Variants in METTL8 observed in about 807,000 individuals in gnomAD.
METTL8 encodes the protein methyltransferase 8, tRNA N3-cytidine.
A neutral mutation model predicts 48.7 loss-of-function variants in METTL8; 32 were observed. That is an observed-to-expected ratio of 0.66 (90% CI 0.50 to 0.88). The LOEUF (loss-of-function observed/expected upper bound fraction) is 0.88, where lower values mean the gene tolerates loss of function less well. Among genes scored for constraint, METTL8 ranks in the 40% least tolerant of loss-of-function variants. The probability of loss-of-function intolerance (pLI) is 0.00; values close to 1 mark genes in which losing one functional copy is unlikely to be tolerated. For missense variants in METTL8, 464 were observed against 474.4 expected, an observed-to-expected ratio of 0.98 and a Z score of 0.20; for synonymous variants, 136 against 157.1, an observed-to-expected ratio of 0.87 and a Z score of 1.01.
At chr2:171,358,312 T>C (rs1041439307) in intron 3 of METTL8, among the ~76,000 whole-genome samples, 16 of 150,296 alleles carry the variant, frequency 1.1e-4, no homozygotes, top group Non-Finnish European at 1.9e-4. Flanking sequence ...GATCCTGCCA[T>C]TGCACTCCAG....
At chr2:171,337,529 CA>C in intron 4 of METTL8, 27 bp from the exon 5 acceptor site, 8 of 1,572,732 alleles carry the variant, frequency 5.1e-6, no homozygotes, top group Middle Eastern at 1.7e-4. Context: ...AAGCAAATAT[CA>C]AAAAAAGCAA....
intron 2 of METTL8, among the ~76,000 whole-genome samples, chr2:171,366,472 T>C (rs1685728972): frequency 6.6e-6 from 1 of 152,182 alleles, no homozygotes; most frequent in Non-Finnish European, 1.5e-5. Context: ...ATATTATCCA[T>C]AATGTCCACC....
At chr2:171,389,496 C>G (rs1688382574) in intron 2 of METTL8, among the ~76,000 whole-genome samples, 1 of 109,334 alleles carries the variant, frequency 9.1e-6, no homozygotes, top group African/African-American at 3.7e-5. Flanking sequence ...GCTTGGGTGA[C>G]AGAGTCTCCC....
chr2:171,360,437 G>T lies in METTL8; in HGVS notation c.220C>A (p.Leu74Ile), dbSNP rs779998518. ...KVKENSAVRV[L>I]LEEQVKYERE... ...AGTTGACTACCTTGCTCTTCCAGAA[G>T]GACTCGCACAGCTGAGTTTTCTTTT... is the stretch of plus-strand genomic sequence containing the variant. The change falls in exon 3 of 10, where the codon CTT becomes ATT. Residue 74 changes from leucine to isoleucine, a missense_variant. Coordinates refer to ENST00000375258, the MANE Select transcript of METTL8 (RefSeq NM_001321154.2). 6.2e-7 allele frequency: 1 copy of T among 1,613,736 alleles called. No individual in the cohort carries two copies. The highest frequency in any genetic ancestry group is 8.5e-7 in the Non-Finnish European group (1 of 1,179,846).
chr2:171,327,689 T>G (rs1184720559), intron 7 of METTL8, among the ~76,000 whole-genome samples: 1 of 152,174 alleles, frequency 6.6e-6, no homozygotes, highest in African/African-American at 2.4e-5. Flanking sequence ...GGAGGTGGCA[T>G]GATTAGGTGA....
Position 171,336,101 on chromosome 2 carries a change from C to CT in METTL8, c.656+1351dup, listed in dbSNP as rs560940773. On this transcript the variant is annotated intron_variant, in intron 5 of 9. Coordinates refer to ENST00000375258, the MANE Select transcript of METTL8 (RefSeq NM_001321154.2). ...TCTCTGTCCCTGTAGTCAAACTCTG[C>CT]TTTTTTTTTTTTTGAGACAAAGTTT... Among the ~76,000 whole-genome samples, 1,361 of 143,106 alleles carry CT rather than the reference C, an allele frequency of 9.5e-3. 11 individuals are homozygous for CT. Among genetic ancestry groups the CT allele is most frequent in the South Asian group, 0.024 (110 of 4,492 alleles). 93.9% of individuals were successfully genotyped at this position (143,106 alleles called of 152,430 possible).
chr2:171,413,665 T>G (rs1228579861), intron 1 of METTL8, among the ~76,000 whole-genome samples: 1 of 152,190 alleles, frequency 6.6e-6, no homozygotes, highest in Non-Finnish European at 1.5e-5. Flanking sequence ...CATAAACAAA[T>G]GTTCTTTGGA....
Position 171,331,469 on chromosome 2 carries a change from T to G in METTL8, c.720+335A>C, listed in dbSNP as rs867597804. 3.3e-4 allele frequency among the ~76,000 whole-genome samples: 50 copies of G among 150,348 alleles called. No individual in the cohort carries two copies. The South Asian group carries it at 5.5e-3, about 16-fold the overall frequency. On this transcript the variant is annotated intron_variant, in intron 6 of 9. Transcript: ENST00000375258. ...GTCTGCTCTGTCACCCAGGCTGGAG[T>G]GCTGTGGCACGATCTTGGCACACCG...
chr2:171,395,152 A>G (rs185146650), intron 1 of METTL8, among the ~76,000 whole-genome samples: 5 of 152,378 alleles, frequency 3.3e-5, no homozygotes, highest in African/African-American at 4.8e-5. Context: ...CTCTTTTGGC[A>G]TACTCTAATT....
At chr2:171,339,969 C>T (rs1340585165) in intron 3 of METTL8, among the ~76,000 whole-genome samples, 1 of 151,926 alleles carries the variant, frequency 6.6e-6, no homozygotes, top group African/African-American at 2.4e-5. Flanking sequence ...GAGGCTGAAG[C>T]GGGTGGATCA....
chr2:171,356,356 C>T (rs936061505), intron 3 of METTL8, among the ~76,000 whole-genome samples: 2 of 152,164 alleles, frequency 1.3e-5, no homozygotes, highest in Non-Finnish European at 2.9e-5. Context: ...CCAGGCTGGT[C>T]TTGAACTCCT....
At position 171,430,307 on chromosome 2, in the gene METTL8, G is replaced by A. The variant is rs185276749; in HGVS notation, c.-13+3576C>T. ...TGGGAGGTGGAGGCTGCAGTGAGCC[G>A]AGATAGCCCCACCGCACTCCAGCCT... On this transcript the variant is annotated intron_variant, in intron 1 of 9. Transcript: ENST00000375258. Among the ~76,000 whole-genome samples the A allele has an allele frequency of 6.7e-3, 1,020 of 151,810 alleles. 3 individuals are homozygous for A. The highest frequency in any genetic ancestry group is 0.01 in the Non-Finnish European group (713 of 67,948).
rs989002743 is a variant in METTL8, at chr2:171,391,950, C to G, written c.143+93G>C. 10 of 1,326,454 alleles carry G rather than the reference C, an allele frequency of 7.5e-6. No individual in the cohort carries two copies. The African/African-American group carries it at 1.5e-4, about 20-fold the overall frequency. The allele number at this position is 1,326,454 out of a possible 1,614,324, so 82.2% of individuals were successfully genotyped here. ...TCTACAACATGAGTTAGGTCATCAG[C>G]TTTAAAAACCCTTTCTTAATTCTAA... On this transcript the variant is annotated intron_variant, in intron 2 of 9. Transcript: ENST00000375258.
intron 7 of METTL8, 61 bp downstream of exon 7, chr2:171,330,498 T>G (rs1380582806): frequency 6.6e-7 from 1 of 1,519,160 alleles, no homozygotes; most frequent in Non-Finnish European, 8.9e-7. Flanking sequence ...TTGATAGTTC[T>G]GAAAACCACT....
At chr2:171,369,455 C>T (rs1199635190) in intron 2 of METTL8, among the ~76,000 whole-genome samples, 1 of 152,190 alleles carries the variant, frequency 6.6e-6, no homozygotes, top group African/African-American at 2.4e-5. Flanking sequence ...ACATTTAGAG[C>T]AATGCCACTC....
At chr2:171,337,114 G>A (rs369593967) in intron 5 of METTL8, among the ~76,000 whole-genome samples, 2 of 151,918 alleles carry the variant, frequency 1.3e-5, no homozygotes, top group African/African-American at 2.4e-5. Flanking sequence ...CGATCCACCC[G>A]CCTCAGCCAC....
At position 171,334,238 on chromosome 2, in the gene METTL8, G is replaced by A. The variant is rs146556855; in HGVS notation, c.657-2371C>T. On this transcript the variant is annotated intron_variant, in intron 5 of 9. Coordinates refer to ENST00000375258, the MANE Select transcript of METTL8 (RefSeq NM_001321154.2). Reference sequence around the variant, plus strand: ...ACCCATAAGATATAGAACAGTCTACGAGCTAAAGGAAAGCATGTGCCATAT... The same window carrying A: ...ACCCATAAGATATAGAACAGTCTACAAGCTAAAGGAAAGCATGTGCCATAT... Among the ~76,000 whole-genome samples the A allele has an allele frequency of 8.3e-4, 126 of 152,222 alleles. No individual in the cohort carries two copies. In the Middle Eastern group the frequency reaches 0.02, roughly 25 times the overall value.
intron 1 of METTL8, among the ~76,000 whole-genome samples, chr2:171,413,975 C>G (rs1691015450): frequency 6.6e-6 from 1 of 151,890 alleles, no homozygotes; most frequent in African/African-American, 2.4e-5. Flanking sequence ...AAAAATATAT[C>G]CTATGGATAT....
intron 2 of METTL8, among the ~76,000 whole-genome samples, chr2:171,377,512 A>C (rs1687094940): frequency 6.6e-6 from 1 of 152,246 alleles, no homozygotes; most frequent in Non-Finnish European, 1.5e-5. Flanking sequence ...AATATCCAGA[A>C]TCTACAAGGA....
Sources: allele counts gnomAD v4.1 joint callset (sites outside exome capture counted in the v4.1 genomes callset), GRCh38; gene constraint gnomAD v4.1.1; transcripts MANE v1.5; gene names NCBI Gene and HGNC (gene_info 2026-07-23, HGNC 2026-07-21).